STX8: variants seen among roughly 807,000 people sequenced by gnomAD.
STX8 encodes the protein syntaxin-8.
Under a neutral mutation model 37.5 loss-of-function variants are expected in STX8, and 23 were observed. That is an observed-to-expected ratio of 0.61 (90% confidence interval 0.44 to 0.87). The LOEUF is 0.87. Among genes scored for constraint, STX8 ranks in the 40% least tolerant of loss-of-function variants. The probability of loss-of-function intolerance (pLI) is 0.00; values close to 1 mark genes in which losing one functional copy is unlikely to be tolerated. For synonymous variants in STX8, 115 were observed against 99.1 expected, an observed-to-expected ratio of 1.16 and a Z score of -0.95; for missense variants, 313 against 284.7, an observed-to-expected ratio of 1.10 and a Z score of -0.71.
chr17:9,526,636 C>A (rs1242679531), intron 4 of STX8, among the ~76,000 whole-genome samples: 1 of 152,252 alleles, frequency 6.6e-6, no homozygotes, highest in East Asian at 1.9e-4. Context: ...CTTTGGGGGG[C>A]CGATATGGGC....
intron 4 of STX8, 78 bp from the exon 5 acceptor site, chr17:9,505,240 T>C: frequency 1.3e-6 from 2 of 1,516,836 alleles, no homozygotes; most frequent in East Asian, 4.6e-5. Context: ...AGTGCAGAGG[T>C]GGCCAGCCTT....
intron 7 of STX8, among the ~76,000 whole-genome samples, chr17:9,292,733 G>T (rs1345803894): frequency 6.6e-6 from 1 of 152,164 alleles, no homozygotes; most frequent in Non-Finnish European, 1.5e-5. Context: ...GAATCATCTT[G>T]CTTCACCAAG....
At chr17:9,335,829 G>A (rs200481881) in intron 7 of STX8, among the ~76,000 whole-genome samples, 5 of 32,642 alleles carry the variant, frequency 1.5e-4, no homozygotes, top group South Asian at 3.0e-3. Flanking sequence ...ACACACACAC[G>A]TAGACACACA....
chr17:9,455,289 G>A (rs921537787), intron 6 of STX8, among the ~76,000 whole-genome samples: 11 of 152,016 alleles, frequency 7.2e-5, no homozygotes, highest in Non-Finnish European at 1.2e-4. Context: ...CATGAGGTCA[G>A]GAGATTGAAA....
chr17:9,477,302 T>C (rs1597697137), intron 6 of STX8, among the ~76,000 whole-genome samples: 1 of 152,114 alleles, frequency 6.6e-6, no homozygotes, highest in Non-Finnish European at 1.5e-5. Context: ...CTTCAACATT[T>C]GAATTTGGGG....
At chr17:9,492,603 A>G (rs112064674) in intron 5 of STX8, among the ~76,000 whole-genome samples, 47 of 152,318 alleles carry the variant, frequency 3.1e-4, no homozygotes, top group African/African-American at 1.1e-3. Flanking sequence ...CTTGTGCCAG[A>G]TATCAACTTA....
intron 7 of STX8, among the ~76,000 whole-genome samples, chr17:9,376,122 A>C (rs1485811367): frequency 6.6e-6 from 1 of 152,192 alleles, no homozygotes; most frequent in Non-Finnish European, 1.5e-5. Context: ...TTGAGAGGTG[A>C]AGCCGGCTGG....
chr17:9,461,186 G>A (rs958124597), intron 6 of STX8: 3 of 151,828 alleles, frequency 2.0e-5, no homozygotes, highest in African/African-American at 7.3e-5. Flanking sequence ...CACAGCTCCT[G>A]AAAAAATGGT....
At chr17:9,487,559 C>T (rs11658443) in intron 6 of STX8, among the ~76,000 whole-genome samples, 3 of 152,136 alleles carry the variant, frequency 2.0e-5, no homozygotes, top group Admixed American at 6.5e-5. Flanking sequence ...GCCCTATCTC[C>T]GAGGAGCAAA....
intron 7 of STX8, among the ~76,000 whole-genome samples, chr17:9,354,128 G>A (rs1162779143): frequency 6.6e-6 from 1 of 152,034 alleles, no homozygotes; most frequent in East Asian, 1.9e-4. Context: ...CATTATAGGA[G>A]TATTTAGCTC....
chr17:9,385,679 T>A (rs1911974620), intron 6 of STX8, among the ~76,000 whole-genome samples: 1 of 152,248 alleles, frequency 6.6e-6, no homozygotes. Flanking sequence ...GGGGAAAATA[T>A]GGCACAAAGG....
At chr17:9,514,137 C>T (rs1905101741) in intron 4 of STX8, among the ~76,000 whole-genome samples, 1 of 152,068 alleles carries the variant, frequency 6.6e-6, no homozygotes, top group African/African-American at 2.4e-5. Flanking sequence ...CTACAGTTAA[C>T]AATAAAGTCT....
chr17:9,529,031 T>C (rs1367588099), intron 4 of STX8, among the ~76,000 whole-genome samples: 1 of 152,066 alleles, frequency 6.6e-6, no homozygotes, highest in Non-Finnish European at 1.5e-5. Flanking sequence ...TACAGGGACA[T>C]GGAGGGAAGA....
intron 6 of STX8, among the ~76,000 whole-genome samples, chr17:9,465,398 C>T (rs1905566609): frequency 6.6e-6 from 1 of 152,200 alleles, no homozygotes; most frequent in African/African-American, 2.4e-5. Flanking sequence ...AGCTCACAAA[C>T]ACTCCCTTTC....
intron 6 of STX8, among the ~76,000 whole-genome samples, chr17:9,384,390 G>A (rs1911918040): frequency 6.6e-6 from 1 of 152,130 alleles, no homozygotes; most frequent in Admixed American, 6.5e-5. Flanking sequence ...TGTAATCCCA[G>A]CACTTTGGGA....
intron 7 of STX8, among the ~76,000 whole-genome samples, chr17:9,362,109 T>A (rs1371544708): frequency 6.6e-6 from 1 of 152,222 alleles, no homozygotes; most frequent in Non-Finnish European, 1.5e-5. Flanking sequence ...AGTGGGCAGA[T>A]CACTTGAGGT....
intron 6 of STX8, among the ~76,000 whole-genome samples, chr17:9,486,221 G>C (rs887059617): frequency 2.0e-5 from 3 of 152,146 alleles, no homozygotes; most frequent in Admixed American, 2.0e-4. Flanking sequence ...CCAATAAAAG[G>C]AACCAGGGAT....
In STX8 at chr17:9,276,630, T is replaced by TTG. The variant is rs960318092; in HGVS notation, c.644-25986_644-25985insCA. 1.2e-4 allele frequency among the ~76,000 whole-genome samples: 18 copies of TTG among 148,952 alleles called. No individual in the cohort carries two copies. The South Asian group carries it at 2.7e-3, about 23-fold the overall frequency. ...TGTTTTTGTTTGTTTATTTGTTTGT[T>TTG]TTTTTTTTTTGGTTGTTGTTTTTGA... On this transcript the variant is annotated intron_variant, in intron 7 of 7. Coordinates refer to ENST00000306357, the MANE Select transcript of STX8 (RefSeq NM_004853.3).
rs559545748 is a variant in STX8 at position 9,413,965 on chromosome 17, C to A, written c.542-35312G>T. On this transcript the variant is annotated intron_variant, in intron 6 of 7. Coordinates refer to ENST00000306357, the MANE Select transcript of STX8 (RefSeq NM_004853.3). ...ACCCACCTATCCACTCAACCATCCACCTATCTATCCAACAAATCATCCATC... is the reference window on the plus strand; with the variant it reads ...ACCCACCTATCCACTCAACCATCCAACTATCTATCCAACAAATCATCCATC... Among the ~76,000 whole-genome samples, 3 of 152,276 alleles carry A rather than the reference C, an allele frequency of 2.0e-5. No homozygotes were observed. The South Asian group carries it at 6.2e-4, about 32-fold the overall frequency.
Sources: allele counts gnomAD v4.1 joint callset (sites outside exome capture counted in the v4.1 genomes callset), GRCh38; gene constraint gnomAD v4.1.1; transcripts MANE v1.5; gene names NCBI Gene and HGNC (gene_info 2026-07-23, HGNC 2026-07-21).